Variants in ITSN2 observed in about 807,000 individuals in gnomAD.
ITSN2 encodes intersectin-2.
A neutral mutation model predicts 243.7 loss-of-function variants in ITSN2; 156 were observed. The observed-to-expected ratio is 0.64, with a 90% confidence interval of 0.56 to 0.73. The LOEUF is 0.73. ITSN2 is among the 30% of genes least tolerant of loss of function. ITSN2 has a pLI of 0.00. For synonymous variants in ITSN2, 703 were observed against 699.9 expected (o/e 1.00, Z -0.07); for missense variants, 1,801 against 1,996.1 (o/e 0.90, Z 1.86).
At chr2:24,246,086 A>C (rs200107442) in intron 29 of ITSN2, 43 bp downstream of exon 29, 1 of 1,317,436 alleles carries the variant, frequency 7.6e-7, no homozygotes, top group Admixed American at 1.9e-5. Flanking sequence ...TGTATATTGA[A>C]GTTTCACACT....
chr2:24,230,568 G>C (rs192741228), intron 29 of ITSN2, among the ~76,000 whole-genome samples: 85 of 152,236 alleles, frequency 5.6e-4, no homozygotes, highest in African/African-American at 1.9e-3. Flanking sequence ...AAGAGTTGGA[G>C]ACCAGCCTGG....
intron 1 of ITSN2, chr2:24,334,980 G>A (rs1686195174): frequency 1.9e-5 from 6 of 320,364 alleles, no homozygotes; most frequent in East Asian, 7.6e-5. Flanking sequence ...GGAGAATGGC[G>A]TGAACCCGGG....
chr2:24,334,745 T>G lies in ITSN2; in HGVS notation c.-33-6630A>C, dbSNP rs558399583. On this transcript the variant is annotated intron_variant, in intron 1 of 39. Coordinates refer to ENST00000355123, the MANE Select transcript of ITSN2 (RefSeq NM_006277.3). The stretch of plus-strand genomic sequence containing the variant: ...TGAGTGCGTTGAGCCCAACTGCAGA[T>G]CTAAGAGAATGTTGGCTATTAAAAG... 10 of 1,575,724 alleles carry G rather than the reference T, an allele frequency of 6.3e-6. No homozygotes were observed. In the African/African-American group the frequency reaches 1.3e-4, roughly 21 times the overall value.
At chr2:24,274,000 T>C (rs1479051409) in intron 18 of ITSN2, among the ~76,000 whole-genome samples, 4 of 152,218 alleles carry the variant, frequency 2.6e-5, no homozygotes, top group Non-Finnish European at 1.5e-5. Context: ...TACTACCTAA[T>C]GTGCAAGGAT....
chr2:24,334,990 G>A (rs996950991), intron 1 of ITSN2: 9 of 300,272 alleles, frequency 3.0e-5, no homozygotes, highest in Middle Eastern at 1.2e-3. Flanking sequence ...GTGAACCCGG[G>A]AGGCGGAGCT....
In ITSN2 at chr2:24,204,580, A is replaced by G. The variant is rs975847993; in HGVS notation, c.4763-162T>C. ...CACCATATCCCTGTGGTCTAGTAAC[A>G]GGGTCTCCAAGTTCCCAGTGCTGAC... is the stretch of plus-strand genomic sequence containing the variant. On this transcript the variant is annotated intron_variant, in intron 38 of 39. Transcript: ENST00000355123. The surrounding 1 kb of genome is among the most constrained non-coding windows in gnomAD (Gnocchi z 5.1). The G allele has an allele frequency of 1.4e-6, 1 of 702,752 alleles. No individual in the cohort carries two copies. Among genetic ancestry groups the G allele is most frequent in the Non-Finnish European group, 2.6e-6 (1 of 387,740 alleles). 43.5% of individuals were successfully genotyped at this position (702,752 alleles called of 1,614,324 possible).
chr2:24,324,747 G>A (rs955325156), intron 2 of ITSN2, among the ~76,000 whole-genome samples: 2 of 150,588 alleles, frequency 1.3e-5, no homozygotes, highest in African/African-American at 4.9e-5. Context: ...CAGTTACTCT[G>A]GAGGCTGAGG....
At chr2:24,337,716 G>C (rs1433406341) in intron 1 of ITSN2, among the ~76,000 whole-genome samples, 1 of 134,116 alleles carries the variant, frequency 7.5e-6, no homozygotes, top group Non-Finnish European at 1.5e-5. Context: ...TCAAACTCCT[G>C]ATCTCAAGAG....
At position 24,347,722 on chromosome 2, in the gene ITSN2, GTT is replaced by G. The variant is rs1553399773; in HGVS notation, c.-34+12580_-34+12581del. 8.5e-3 allele frequency among the ~76,000 whole-genome samples: 59 copies of G among 6,918 alleles called. No homozygotes were observed. In the South Asian group the frequency reaches 0.098, roughly 11 times the overall value. 4.5% of individuals were successfully genotyped at this position (6,918 alleles called of 152,430 possible). ...TTGTAGAATATGAATGTAAATTTGGGTTTTCTTTTTTTTTTAATCTTACATGA... is the reference window on the plus strand; with the variant it reads ...TTGTAGAATATGAATGTAAATTTGGGTTCTTTTTTTTTTAATCTTACATGA... On this transcript the variant is annotated intron_variant, in intron 1 of 39. Coordinates refer to ENST00000355123, the MANE Select transcript of ITSN2 (RefSeq NM_006277.3).
intron 19 of ITSN2, among the ~76,000 whole-genome samples, chr2:24,271,165 A>G (rs1220448844): frequency 6.6e-6 from 1 of 152,186 alleles, no homozygotes; most frequent in Non-Finnish European, 1.5e-5. Flanking sequence ...CTCAAAAGAT[A>G]AGAATAGCAA....
intron 29 of ITSN2, among the ~76,000 whole-genome samples, chr2:24,224,481 CTGGAATAATACCT>C (rs1441643992): frequency 1.3e-5 from 2 of 152,206 alleles, no homozygotes; most frequent in Non-Finnish European, 2.9e-5. Flanking sequence ...GCCACTGTAT[CTGGAATAATACCT>C]TGGAATAATA....
intron 32 of ITSN2, among the ~76,000 whole-genome samples, chr2:24,214,126 C>T (rs187137712): frequency 3.9e-4 from 60 of 152,294 alleles, no homozygotes; most frequent in Non-Finnish European, 1.3e-4. Context: ...GCATAGTATG[C>T]TATAGCCTCC....
chr2:24,219,958 C>T (rs1237338675), intron 30 of ITSN2, among the ~76,000 whole-genome samples: 1 of 152,210 alleles, frequency 6.6e-6, no homozygotes, highest in African/African-American at 2.4e-5. Context: ...AGGATGAAGG[C>T]TGCACGGTCC....
At chr2:24,218,992 G>C (rs1350216315) in intron 30 of ITSN2, among the ~76,000 whole-genome samples, 4 of 152,228 alleles carry the variant, frequency 2.6e-5, no homozygotes, top group African/African-American at 7.2e-5. Flanking sequence ...CCTGCCCCCT[G>C]CCAACCTCAC....
chr2:24,296,642 C>T (rs1312654945), intron 13 of ITSN2, among the ~76,000 whole-genome samples: 6 of 152,176 alleles, frequency 3.9e-5, no homozygotes, highest in Non-Finnish European at 8.8e-5. Context: ...AGAGGCCTCA[C>T]AAGAAACTAA....
chr2:24,255,371 G>A (rs533125117), intron 23 of ITSN2, among the ~76,000 whole-genome samples: 1 of 152,330 alleles, frequency 6.6e-6, no homozygotes, highest in East Asian at 1.9e-4. Context: ...GCAAACACCT[G>A]TAATCCCAGC....
chr2:24,354,332 G>A (rs1196838786), intron 1 of ITSN2, among the ~76,000 whole-genome samples: 1 of 152,196 alleles, frequency 6.6e-6, no homozygotes, highest in Non-Finnish European at 1.5e-5. Context: ...TTGTGGGTCT[G>A]TACTACCCTA....
At chr2:24,336,856 A>G (rs1686438764) in intron 1 of ITSN2, among the ~76,000 whole-genome samples, 1 of 152,172 alleles carries the variant, frequency 6.6e-6, no homozygotes, top group Non-Finnish European at 1.5e-5. Flanking sequence ...AAAACACTCG[A>G]TAAACATTTG....
chr2:24,289,483 T>C (rs1679959572), intron 15 of ITSN2, among the ~76,000 whole-genome samples: 1 of 152,234 alleles, frequency 6.6e-6, no homozygotes, highest in Non-Finnish European at 1.5e-5. Flanking sequence ...ATTCATGTAT[T>C]AGTTCTAAGT....
Sources: allele counts gnomAD v4.1 joint callset (sites outside exome capture counted in the v4.1 genomes callset), GRCh38; gene constraint gnomAD v4.1.1; non-coding constraint Gnocchi (gnomAD v3.1); transcripts MANE v1.5; gene names NCBI Gene and HGNC (gene_info 2026-07-23, HGNC 2026-07-21).